Variants in GPAM observed in about 807,000 individuals in gnomAD.
The protein encoded by GPAM is glycerol-3-phosphate acyltransferase 1, mitochondrial.
A neutral mutation model predicts 105.0 loss-of-function variants in GPAM; 56 were observed. The observed-to-expected ratio is 0.53, with a 90% CI of 0.43 to 0.67. GPAM has a LOEUF of 0.67. GPAM is among the 30% of genes least tolerant of loss of function. The pLI, the probability that GPAM is intolerant of heterozygous loss-of-function variation, is 0.00. For missense variants in GPAM, 855 were observed against 989.8 expected (o/e 0.86, Z 1.83); for synonymous variants, 368 against 354.4 (o/e 1.04, Z -0.43).
At chr10:112,211,467 AT>A (rs2133306976) in intron 1 of GPAM, among the ~76,000 whole-genome samples, 1 of 152,344 alleles carries the variant, frequency 6.6e-6, no homozygotes, top group East Asian at 1.9e-4. Context: ...AACTTCCTGC[AT>A]TCTGGTCGAG....
Position 112,173,033 on chromosome 10 carries a change from G to A in GPAM, c.594C>T (p.Asn198=), listed in dbSNP as rs747685309. 1 of 1,609,810 alleles carries A rather than the reference G, an allele frequency of 6.2e-7. No individual in the cohort carries two copies. The highest frequency in any genetic ancestry group is 8.5e-7 in the Non-Finnish European group (1 of 1,176,158). Residue 198 remains asparagine, a synonymous_variant, in exon 8 of 22, where the codon AAC becomes AAT. Coordinates refer to ENST00000348367, the MANE Select transcript of GPAM (RefSeq NM_001244949.2). The stretch of plus-strand genomic sequence containing the variant: ...GAATTTGAATGTTCCAAAAGAAGCT[G>A]TTGAACAGTTTTAGCAGCACCCACC... ...LTGWVLLKLF[N]SFFWNIQIHK...
intron 18 of GPAM, 139 bp downstream of exon 18, chr10:112,158,168 TGATCCACCC>T (rs1847051428): frequency 1.4e-6 from 1 of 717,174 alleles, no homozygotes; most frequent in Admixed American, 2.0e-5. Context: ...TGACCTCAGG[TGATCCACCC>T]GCCTTCACCT....
At position 112,154,659 on chromosome 10, in the gene GPAM, C is replaced by A; in HGVS notation, c.2340G>T (p.Lys780Asn). The A allele has an allele frequency of 6.2e-7, 1 of 1,609,792 alleles. No individual in the cohort carries two copies. Among genetic ancestry groups the A allele is most frequent in the Non-Finnish European group, 8.5e-7 (1 of 1,176,074 alleles). Residue 780 changes from lysine to asparagine, a missense_variant, in exon 21 of 22, where the codon AAG (lysine) becomes AAT (asparagine). Coordinates refer to ENST00000348367, the MANE Select transcript of GPAM (RefSeq NM_001244949.2). The part of the protein sequence containing the change: ...YAESATYCLV[K>N]NAVKMFKDIG... ...TATCCTTAAACATTTTCACAGCATT[C>A]TTCACAAGACAATATGTGGCACTCT...
In GPAM at chr10:112,150,326, T is replaced by C; in HGVS notation, c.*3224A>G. 1 of 985,000 alleles carries C rather than the reference T, an allele frequency of 1.0e-6. No homozygotes were observed. Among genetic ancestry groups the C allele is most frequent in the Non-Finnish European group, 1.2e-6 (1 of 829,186 alleles). The allele number at this position is 985,000 out of a possible 1,614,324, so 61.0% of individuals were successfully genotyped here. ...TTCTTCTAGATCTGAATTAAAACCTTATTTACCCCAATTCATCCATGTATT... is the reference window on the plus strand; with the variant it reads ...TTCTTCTAGATCTGAATTAAAACCTCATTTACCCCAATTCATCCATGTATT... On this transcript the variant is annotated 3_prime_UTR_variant, in exon 22 of 22. Coordinates refer to ENST00000348367, the MANE Select transcript of GPAM (RefSeq NM_001244949.2).
chr10:112,196,711 T>C (rs1036896344), intron 1 of GPAM, among the ~76,000 whole-genome samples: 5 of 152,226 alleles, frequency 3.3e-5, no homozygotes, highest in African/African-American at 1.2e-4. Flanking sequence ...ATCTCCAAAA[T>C]GCAAGTGAGA....
At position 112,164,535 on chromosome 10, in the gene GPAM, G is replaced by T; in HGVS notation, c.1297C>A (p.Leu433Ile). The T allele has an allele frequency of 6.4e-7, 1 of 1,560,828 alleles. No homozygotes were observed. Among genetic ancestry groups the T allele is most frequent in the Non-Finnish European group, 8.8e-7 (1 of 1,131,486 alleles). The change falls in exon 13 of 22, where the codon CTT becomes ATT. Residue 433 changes from leucine to isoleucine, a missense_variant. By Grantham distance (5) the Leu-to-Ile change is conservative. Transcript: ENST00000348367. ...TTCTACAAATTTTACCTTGAAGGAA[G>T]TATAGCTGGTAACAACGCTTGCTCC... ...SLEQALLPAILPSRPSDAADE... is the reference protein window; with the variant it reads ...SLEQALLPAIIPSRPSDAADE...
chr10:112,202,397 A>G (rs1322462375), intron 1 of GPAM, among the ~76,000 whole-genome samples: 1 of 152,216 alleles, frequency 6.6e-6, no homozygotes, highest in Non-Finnish European at 1.5e-5. Flanking sequence ...GGGTGAAGAA[A>G]AGAAGAACAT....
At chr10:112,180,731 C>T in intron 3 of GPAM, 136 bp from the exon 4 acceptor site, 1 of 762,150 alleles carries the variant, frequency 1.3e-6, no homozygotes, top group Non-Finnish European at 2.2e-6. Context: ...TAAGTACTCC[C>T]TCCATGATCA....
rs1846929210 is a variant in GPAM, at chr10:112,152,036, A to G, written c.*1514T>C. The G allele has an allele frequency of 2.0e-6, 2 of 979,056 alleles. No homozygotes were observed. The highest frequency in any genetic ancestry group is 1.2e-4 in the Admixed American group (2 of 16,254). 60.6% of individuals were successfully genotyped at this position (979,056 alleles called of 1,614,324 possible). On this transcript the variant is annotated 3_prime_UTR_variant, in exon 22 of 22. Transcript: ENST00000348367. ...AACATGGTATTTCATACAATGTGAA[A>G]TATCAATCAGCATCCCTCCCTCTCC...
intron 3 of GPAM, 47 bp downstream of exon 3, chr10:112,181,636 A>G (rs1316167006): frequency 3.0e-6 from 3 of 1,012,626 alleles, no homozygotes; most frequent in African/African-American, 3.2e-5. Context: ...CATCATTGAA[A>G]TGAACATTTT....
chr10:112,175,576 C>G lies in GPAM; in HGVS notation c.413+24G>C, dbSNP rs74537186. ...ACCGCCCATCCCTGCCTCTTCCCACCTTTACACCTTGCCCCGCCCTTACCT... is the reference window on the plus strand; with the variant it reads ...ACCGCCCATCCCTGCCTCTTCCCACGTTTACACCTTGCCCCGCCCTTACCT... On this transcript the variant is annotated intron_variant, in intron 6 of 21. Coordinates refer to ENST00000348367, the MANE Select transcript of GPAM (RefSeq NM_001244949.2). 1,940 of 1,288,320 alleles carry G rather than the reference C, an allele frequency of 1.5e-3. 34 individuals are homozygous for G. The East Asian group carries it at 0.041, about 27-fold the overall frequency. The allele number at this position is 1,288,320 out of a possible 1,614,324, so 79.8% of individuals were successfully genotyped here.
Position 112,166,529 on chromosome 10 carries a change from G to A in GPAM, c.1108-14C>T. Reference sequence around the variant, plus strand: ...CTTAGGTTTGCCCTAAATTCCAATAGTGAGAATAACATGGTGAGAAATAAA... The same window carrying A: ...CTTAGGTTTGCCCTAAATTCCAATAATGAGAATAACATGGTGAGAAATAAA... On this transcript the variant is annotated splice_polypyrimidine_tract_variant and intron_variant, in intron 11 of 21. Transcript: ENST00000348367. 7.2e-7 allele frequency: 1 copy of A among 1,384,674 alleles called. No individual in the cohort carries two copies. The allele number at this position is 1,384,674 out of a possible 1,614,324, so 85.8% of individuals were successfully genotyped here.
At chr10:112,169,724 C>T (rs1383522158) in intron 9 of GPAM, among the ~76,000 whole-genome samples, 2 of 152,206 alleles carry the variant, frequency 1.3e-5, no homozygotes, top group African/African-American at 4.8e-5. Flanking sequence ...CAATACCGGT[C>T]CCCGGCCTGT....
At chr10:112,168,187 C>T (rs1268697357) in intron 11 of GPAM, 125 bp downstream of exon 11, 1 of 703,180 alleles carries the variant, frequency 1.4e-6, no homozygotes, top group Non-Finnish European at 2.6e-6. Context: ...AATCACATTT[C>T]ATACAGTGCT....
chr10:112,163,742 C>T lies in GPAM; in HGVS notation c.1382G>A (p.Arg461Gln), dbSNP rs768046520. ...ESRNATDESL[R>Q]RRLIANLAEH... is the part of the protein sequence containing the mutation. ...AGCCAGATTTGCAATCAACCTCCTT[C>T]GTAGGGATTCATCTGTTGCATTTCT... The change falls in exon 14 of 22, where the codon CGA becomes CAA. Residue 461 changes from arginine to glutamine, a missense_variant. Transcript: ENST00000348367. 14 of 1,599,616 alleles carry T rather than the reference C, an allele frequency of 8.8e-6. No homozygotes were observed. The East Asian group carries it at 8.9e-5, about 10-fold the overall frequency.
At chr10:112,159,204 G>A (rs932124755) in intron 17 of GPAM, among the ~76,000 whole-genome samples, 2 of 148,654 alleles carry the variant, frequency 1.3e-5, no homozygotes, top group East Asian at 2.0e-4. Flanking sequence ...GAGGTGTTGA[G>A]CAGATGATTT....
At position 112,150,877 on chromosome 10, in the gene GPAM, A is replaced by G. The variant is rs1846903770; in HGVS notation, c.*2673T>C. 3.0e-6 allele frequency: 3 copies of G among 985,274 alleles called. No individual in the cohort carries two copies. Among genetic ancestry groups the G allele is most frequent in the Non-Finnish European group, 3.6e-6 (3 of 829,788 alleles). 61.0% of individuals were successfully genotyped at this position (985,274 alleles called of 1,614,324 possible). On this transcript the variant is annotated 3_prime_UTR_variant, in exon 22 of 22. Transcript: ENST00000348367. ...TGGCAATTCCACAATTTGGGCTTAC[A>G]TTCATTGTAATCCCAGAAATATTTT...
chr10:112,151,251 G>C lies in GPAM; in HGVS notation c.*2299C>G. 6.1e-6 allele frequency: 6 copies of C among 985,624 alleles called. No individual in the cohort carries two copies. The highest frequency in any genetic ancestry group is 7.2e-6 in the Non-Finnish European group (6 of 829,780). The allele number at this position is 985,624 out of a possible 1,614,324, so 61.1% of individuals were successfully genotyped here. A position where few individuals can be genotyped will look rare whatever the true frequency, so the allele number is the denominator to read the frequency against. ...TTAACCTTATGTGGAAGCCATCACT[G>C]TTGGAAAACAATGAGAATGTATCTT... On this transcript the variant is annotated 3_prime_UTR_variant, in exon 22 of 22. Coordinates refer to ENST00000348367, the MANE Select transcript of GPAM (RefSeq NM_001244949.2).
intron 1 of GPAM, among the ~76,000 whole-genome samples, chr10:112,196,544 G>C (rs190798948): frequency 4.9e-4 from 74 of 152,298 alleles, no homozygotes; most frequent in African/African-American, 1.7e-3. Context: ...AAAGTAAAGA[G>C]TGTTATGAAC....
Sources: allele counts gnomAD v4.1 joint callset (sites outside exome capture counted in the v4.1 genomes callset), GRCh38; gene constraint gnomAD v4.1.1; transcripts MANE v1.5; gene names NCBI Gene and HGNC (gene_info 2026-07-23, HGNC 2026-07-21).